SORCS1: variants seen among roughly 807,000 people sequenced by gnomAD.
The protein encoded by SORCS1 is VPS10 domain-containing receptor SorCS1.
A neutral mutation model predicts 146.1 loss-of-function variants in SORCS1; 60 were observed. That is an observed-to-expected ratio of 0.41 (90% CI 0.33 to 0.51). The LOEUF is 0.51. Among genes scored for constraint, SORCS1 ranks in the 20% least tolerant of loss-of-function variants. SORCS1 has a pLI of 0.21. For missense variants in SORCS1, 1,352 were observed against 1,487.6 expected (o/e 0.91, Z 1.50); for synonymous variants, 637 against 584.0 (o/e 1.09, Z -1.31).
At chr10:106,998,964 T>C (rs1957106150) in intron 1 of SORCS1, among the ~76,000 whole-genome samples, 1 of 152,214 alleles carries the variant, frequency 6.6e-6, no homozygotes, top group South Asian at 2.1e-4. Context: ...CTACAGAAGT[T>C]TGGCGCTGAA....
rs951135208 is a variant in SORCS1, at chr10:106,725,402, C to A, written c.1024+4648G>T. Among the ~76,000 whole-genome samples the A allele has an allele frequency of 9.3e-5, 14 of 150,980 alleles. No homozygotes were observed. In the South Asian group the frequency reaches 2.3e-3, roughly 25 times the overall value. The stretch of plus-strand genomic sequence containing the variant: ...CCATCTCTGCTAAAAATGCAAAAAA[C>A]CAGCTGGGTGTGGTGGCGGGCACCT... On this transcript the variant is annotated intron_variant, in intron 6 of 25. Transcript: ENST00000263054.
intron 5 of SORCS1, among the ~76,000 whole-genome samples, chr10:106,759,139 G>T (rs1858884995): frequency 6.6e-6 from 1 of 152,222 alleles, no homozygotes; most frequent in South Asian, 2.1e-4. Flanking sequence ...ATTCCTCTTA[G>T]AAGTTCATAT....
chr10:107,153,362 T>C (rs1456261199), intron 1 of SORCS1, among the ~76,000 whole-genome samples: 1 of 152,238 alleles, frequency 6.6e-6, no homozygotes, highest in Admixed American at 6.5e-5. Flanking sequence ...ACATATTTAT[T>C]ATGTATATAT....
chr10:106,586,733 A>C (rs929000617), intron 24 of SORCS1, among the ~76,000 whole-genome samples: 2 of 152,168 alleles, frequency 1.3e-5, no homozygotes, highest in African/African-American at 4.8e-5. Context: ...AAGTGGGTGA[A>C]TCTCCTGAGG....
intron 1 of SORCS1, among the ~76,000 whole-genome samples, chr10:107,015,679 T>C (rs1957867774): frequency 6.6e-6 from 1 of 152,186 alleles, no homozygotes; most frequent in Admixed American, 6.5e-5. Flanking sequence ...TGATCTATAG[T>C]CTTCAACAAT....
chr10:106,729,941 A>G, intron 6 of SORCS1, 109 bp downstream of exon 6: 1 of 1,312,546 alleles, frequency 7.6e-7, no homozygotes, highest in Non-Finnish European at 1.1e-6. Context: ...GAAACCACAC[A>G]TCCACTATTA....
chr10:107,013,096 C>T lies in SORCS1; in HGVS notation c.559-56516G>A, dbSNP rs528165694. Among the ~76,000 whole-genome samples, 11 of 152,186 alleles carry T rather than the reference C, an allele frequency of 7.2e-5. No individual in the cohort carries two copies. In the South Asian group the frequency reaches 2.3e-3, roughly 32 times the overall value. On this transcript the variant is annotated intron_variant, in intron 1 of 25. Coordinates refer to ENST00000263054, the MANE Select transcript of SORCS1 (RefSeq NM_052918.5). ...CATATCCCTAGGGGCTTGTAGAGTACCTGGTACACAGTTGGTAGCTAATTA... is the reference window on the plus strand; with the variant it reads ...CATATCCCTAGGGGCTTGTAGAGTATCTGGTACACAGTTGGTAGCTAATTA...
At chr10:106,891,500 A>AATT (rs1951229270) in intron 2 of SORCS1, among the ~76,000 whole-genome samples, 1 of 75,418 alleles carries the variant, frequency 1.3e-5, no homozygotes, top group Non-Finnish European at 2.8e-5. Flanking sequence ...TTTCAATGGG[A>AATT]ATTCTTTTTT....
At chr10:107,027,208 A>C (rs1189834268) in intron 1 of SORCS1, among the ~76,000 whole-genome samples, 1 of 152,008 alleles carries the variant, frequency 6.6e-6, no homozygotes, top group African/African-American at 2.4e-5. Context: ...AAATAGAATC[A>C]GGGGATGGGA....
At chr10:106,590,901 C>T (rs1342040666) in intron 24 of SORCS1, among the ~76,000 whole-genome samples, 1 of 152,174 alleles carries the variant, frequency 6.6e-6, no homozygotes, top group Non-Finnish European at 1.5e-5. Context: ...GTGATCCACC[C>T]ACCTCATGCT....
chr10:106,796,658 T>A (rs894905495), intron 3 of SORCS1, among the ~76,000 whole-genome samples: 7 of 151,724 alleles, frequency 4.6e-5, no homozygotes, highest in African/African-American at 1.7e-4. Context: ...ACAGGGACAG[T>A]TGGGGGTGGG....
In SORCS1 at chr10:106,615,475, C is replaced by G. The variant is rs116639165; in HGVS notation, c.2920+2674G>C. Among the ~76,000 whole-genome samples the G allele has an allele frequency of 7.5e-3, 1,147 of 152,270 alleles. 13 individuals are homozygous for G. The highest frequency in any genetic ancestry group is 0.025 in the African/African-American group (1,029 of 41,550). ...GTTCAATCTTTCCTGTTTAACTTTGCCTGCTCCAACTTTTGTTTAAGGAGT... is the reference window on the plus strand; with the variant it reads ...GTTCAATCTTTCCTGTTTAACTTTGGCTGCTCCAACTTTTGTTTAAGGAGT... On this transcript the variant is annotated intron_variant, in intron 21 of 25. Transcript: ENST00000263054.
chr10:106,814,672 T>C (rs949289577), intron 3 of SORCS1, among the ~76,000 whole-genome samples: 1 of 152,104 alleles, frequency 6.6e-6, no homozygotes, highest in African/African-American at 2.4e-5. Context: ...CCCAGCACTT[T>C]GGGAGGCCAA....
the SORCS1 span, among the ~76,000 whole-genome samples, chr10:107,169,988 A>G: frequency 6.6e-6 from 1 of 152,186 alleles, no homozygotes; most frequent in Non-Finnish European, 1.5e-5. Flanking sequence ...ATGCATATAT[A>G]TTTTTCCAAT....
intron 1 of SORCS1, among the ~76,000 whole-genome samples, chr10:107,133,378 GA>G (rs139589701): frequency 6.6e-6 from 1 of 152,048 alleles, no homozygotes; most frequent in Non-Finnish European, 1.5e-5. Context: ...TCCTTCTGCA[GA>G]AAAAACTTCC....
intron 2 of SORCS1, among the ~76,000 whole-genome samples, chr10:106,902,156 A>G (rs1399190600): frequency 2.0e-5 from 3 of 152,318 alleles, no homozygotes; most frequent in Admixed American, 6.5e-5. Context: ...TATAATATCA[A>G]TGAGAGTATA....
chr10:106,632,732 A>G (rs948152846), intron 18 of SORCS1, among the ~76,000 whole-genome samples: 1 of 152,226 alleles, frequency 6.6e-6, no homozygotes, highest in African/African-American at 2.4e-5. Flanking sequence ...TTAACTAATC[A>G]TGCAAAAAAA....
intron 2 of SORCS1, among the ~76,000 whole-genome samples, chr10:106,919,469 C>A (rs1362625641): frequency 6.6e-6 from 1 of 152,132 alleles, no homozygotes; most frequent in Non-Finnish European, 1.5e-5. Context: ...GGACCCCTGT[C>A]CAGGAACATG....
At chr10:107,111,729 A>C (rs1965715212) in intron 1 of SORCS1, among the ~76,000 whole-genome samples, 1 of 152,178 alleles carries the variant, frequency 6.6e-6, no homozygotes, top group Non-Finnish European at 1.5e-5. Flanking sequence ...TGAAATTTAA[A>C]GGATCCCAAC....
Sources: allele counts gnomAD v4.1 joint callset (sites outside exome capture counted in the v4.1 genomes callset), GRCh38; gene constraint gnomAD v4.1.1; transcripts MANE v1.5; gene names NCBI Gene and HGNC (gene_info 2026-07-23, HGNC 2026-07-21).